GNB1L: variants seen among roughly 807,000 people sequenced by gnomAD.
GNB1L encodes the protein guanine nucleotide-binding protein subunit beta-like protein 1.
In GNB1L, 20 loss-of-function variants were observed where a neutral mutation model predicts 29.1. The ratio of observed to expected loss-of-function variants is 0.69; its 90% CI spans 0.48 to 1.00. The LOEUF is 1.00. GNB1L is among the 50% of genes least tolerant of loss of function. GNB1L has a pLI of 0.00. For missense variants in GNB1L, 421 were observed against 464.9 expected (o/e 0.91, Z 0.87); for synonymous variants, 193 against 206.5 (o/e 0.93, Z 0.56).
intron 7 of GNB1L, 97 bp downstream of exon 7, chr22:19,801,904 T>A (rs1937376607): frequency 1.9e-6 from 2 of 1,039,478 alleles, no homozygotes; most frequent in African/African-American, 1.6e-5. Context: ...TAGCCAGGGA[T>A]CTGCAACAAC....
chr22:19,799,205 T>C (rs1312820686), intron 7 of GNB1L, among the ~76,000 whole-genome samples: 3 of 152,196 alleles, frequency 2.0e-5, no homozygotes, highest in Non-Finnish European at 4.4e-5. Flanking sequence ...CCTAAGAATA[T>C]GGCTGGCTGT....
intron 6 of GNB1L, among the ~76,000 whole-genome samples, chr22:19,805,205 G>A (rs1224526280): frequency 1.3e-5 from 2 of 152,200 alleles, no homozygotes; most frequent in East Asian, 1.9e-4. Context: ...ATCAGTCCAC[G>A]GGAGACCCCA....
At chr22:19,807,998 A>C (rs1342418629) in intron 5 of GNB1L, among the ~76,000 whole-genome samples, 1 of 152,206 alleles carries the variant, frequency 6.6e-6, no homozygotes, top group Non-Finnish European at 1.5e-5. Flanking sequence ...CAGTACGCGG[A>C]CCAGGGCCAC....
At chr22:19,809,829 G>C (rs1396080787) in intron 5 of GNB1L, among the ~76,000 whole-genome samples, 2 of 152,318 alleles carry the variant, frequency 1.3e-5, no homozygotes, top group East Asian at 3.9e-4. Flanking sequence ...CTGTCACCCA[G>C]GCTGGTGCCA....
At chr22:19,824,592 T>C (rs1937604654) in intron 2 of GNB1L, among the ~76,000 whole-genome samples, 1 of 152,156 alleles carries the variant, frequency 6.6e-6, no homozygotes. Context: ...AGGGAACAAA[T>C]GGACGACAAC....
At position 19,848,248 on chromosome 22, in the gene GNB1L, G is replaced by C. The variant is rs1235111549; in HGVS notation, c.-21+6195C>G. On this transcript the variant is annotated intron_variant, in intron 2 of 7. Coordinates refer to ENST00000329517, the MANE Select transcript of GNB1L (RefSeq NM_053004.3). ...GTATTTCCAAGGGAAGTGAAGGACT[G>C]ACACCATGATTAGAAAGCAGAGCCA... is the stretch of plus-strand genomic sequence containing the variant. The C allele has an allele frequency of 8.1e-6, 8 of 985,308 alleles. No homozygotes were observed. The Admixed American group carries it at 4.9e-4, about 61-fold the overall frequency. 61.0% of individuals were successfully genotyped at this position (985,308 alleles called of 1,614,324 possible).
chr22:19,811,802 C>T (rs1176395270), intron 5 of GNB1L, among the ~76,000 whole-genome samples: 4 of 152,148 alleles, frequency 2.6e-5, no homozygotes, highest in South Asian at 2.1e-4. Context: ...AGATACCACC[C>T]TCCCTGCTGC....
intron 2 of GNB1L, chr22:19,850,832 G>C: frequency 1.5e-6 from 2 of 1,305,376 alleles, no homozygotes; most frequent in Non-Finnish European, 1.9e-6. Context: ...GGGGGTGGAG[G>C]TGACAAAGAT....
chr22:19,810,545 C>G (rs975494320), intron 5 of GNB1L, among the ~76,000 whole-genome samples: 1 of 152,176 alleles, frequency 6.6e-6, no homozygotes, highest in African/African-American at 2.4e-5. Flanking sequence ...CCACGTCTAC[C>G]TGGGCTGGGT....
At chr22:19,808,926 G>A (rs1937466803) in intron 5 of GNB1L, among the ~76,000 whole-genome samples, 1 of 152,104 alleles carries the variant, frequency 6.6e-6, no homozygotes, top group African/African-American at 2.4e-5. Flanking sequence ...TCAGGGCTGT[G>A]GGGAGGGTCT....
At chr22:19,820,165 T>G (rs1601335674) in intron 4 of GNB1L, among the ~76,000 whole-genome samples, 1 of 152,264 alleles carries the variant, frequency 6.6e-6, no homozygotes, top group East Asian at 1.9e-4. Flanking sequence ...GAGGCCCTCC[T>G]TGGGACCACT....
intron 2 of GNB1L, chr22:19,849,366 T>G: frequency 1.1e-6 from 1 of 923,654 alleles, no homozygotes; most frequent in Non-Finnish European, 1.3e-6. Context: ...GTTTTTGTTT[T>G]TTGTTGTTTT....
rs1937526008 is a variant in GNB1L, at chr22:19,816,633, T to TCATACACACCTCACATA, written c.254+3948_254+3964dup. On this transcript the variant is annotated intron_variant, in intron 4 of 7. Coordinates refer to ENST00000329517, the MANE Select transcript of GNB1L (RefSeq NM_053004.3). This position sits in a 1 kb window ranked among gnomAD's most constrained non-coding sequence, Gnocchi z 4.4. ...CACACAATCACACACACCACACACCTCATACACACCTCACATACATACACA... is the reference window on the plus strand; with the variant it reads ...CACACAATCACACACACCACACACCTCATACACACCTCACATACATACACACCTCACATACATACACA... 6.6e-6 allele frequency among the ~76,000 whole-genome samples: 1 copy of TCATACACACCTCACATA among 151,704 alleles called. No individual in the cohort carries two copies. The highest frequency in any genetic ancestry group is 1.5e-5 in the Non-Finnish European group (1 of 67,872).
chr22:19,817,149 C>A (rs561695924), intron 4 of GNB1L, among the ~76,000 whole-genome samples: 3 of 152,322 alleles, frequency 2.0e-5, no homozygotes, highest in African/African-American at 4.8e-5. Flanking sequence ...GAAAGCCTGG[C>A]AGACTTGAAT....
At chr22:19,793,188 T>G in intron 7 of GNB1L, 1 of 777,704 alleles carries the variant, frequency 1.3e-6, no homozygotes, top group Admixed American at 2.6e-5. Flanking sequence ...ATTCAAATAA[T>G]TACCCAAAAA....
At chr22:19,790,952 C>T (rs9618692) in intron 7 of GNB1L, among the ~76,000 whole-genome samples, 3,693 of 152,264 alleles carry the variant, frequency 0.024, 159 homozygotes, top group African/African-American at 0.085. Flanking sequence ...ATAAAGAGTA[C>T]AATTCCCAAT....
intron 2 of GNB1L, among the ~76,000 whole-genome samples, chr22:19,843,294 C>T (rs1048202986): frequency 1.1e-4 from 17 of 152,288 alleles, no homozygotes; most frequent in Non-Finnish European, 2.1e-4. Flanking sequence ...GACTGGCGAC[C>T]TTCGATTCAT....
intron 2 of GNB1L, among the ~76,000 whole-genome samples, chr22:19,832,131 A>C (rs907146670): frequency 2.6e-5 from 4 of 151,822 alleles, no homozygotes; most frequent in Admixed American, 1.3e-4. Flanking sequence ...GGAGTTCAAG[A>C]CCAGCCTGGG....
rs568888462 is a variant in GNB1L, at chr22:19,849,246, A to G, written c.-21+5197T>C. 5.5e-5 allele frequency: 54 copies of G among 985,266 alleles called. 1 individual carries two copies. The South Asian group carries it at 2.2e-3, about 39-fold the overall frequency. The allele number at this position is 985,266 out of a possible 1,614,324, so 61.0% of individuals were successfully genotyped here. Reference sequence around the variant, plus strand: ...AAGGTTTCCAGTTGTTTTACCTACAAGGTATCTGTGCCCTGAAATAACTCA... The same window carrying G: ...AAGGTTTCCAGTTGTTTTACCTACAGGGTATCTGTGCCCTGAAATAACTCA... On this transcript the variant is annotated intron_variant, in intron 2 of 7. Transcript: ENST00000329517.
Sources: allele counts gnomAD v4.1 joint callset (sites outside exome capture counted in the v4.1 genomes callset), GRCh38; gene constraint gnomAD v4.1.1; non-coding constraint Gnocchi (gnomAD v3.1); transcripts MANE v1.5; gene names NCBI Gene and HGNC (gene_info 2026-07-23, HGNC 2026-07-21).